Variants in QTGAL observed in about 807,000 individuals in gnomAD.
QTGAL encodes the protein BGnT-like protein 1.
chr17:82,983,072 G>A, the QTGAL span, among the ~76,000 whole-genome samples: 3 of 152,214 alleles, frequency 2.0e-5, no homozygotes, highest in Non-Finnish European at 4.4e-5. Context: ...CCTGAGGCCA[G>A]GAGTTCGAGA....
chr17:83,050,262 C>T, the QTGAL span, among the ~76,000 whole-genome samples: 7,596 of 152,060 alleles, frequency 0.05, 190 homozygotes, highest in Non-Finnish European at 0.064. Flanking sequence ...CCCAGCTACT[C>T]GGGAGGCTGA....
the QTGAL span, among the ~76,000 whole-genome samples, chr17:83,000,341 G>A: frequency 0.012 from 1,845 of 152,292 alleles, 43 homozygotes; most frequent in African/African-American, 0.042. Flanking sequence ...CTCACCCAGC[G>A]TTTTAAGCAC....
At chr17:83,018,091 C>A in the QTGAL span, among the ~76,000 whole-genome samples, 1 of 145,158 alleles carries the variant, frequency 6.9e-6, no homozygotes, top group Non-Finnish European at 1.5e-5. Flanking sequence ...GAACACCGTG[C>A]GCCTGTATCA....
At chr17:83,039,718 G>A in the QTGAL span, among the ~76,000 whole-genome samples, 4 of 152,200 alleles carry the variant, frequency 2.6e-5, no homozygotes, top group Non-Finnish European at 4.4e-5. Context: ...ACCACGACCT[G>A]TTCACAAATA....
At chr17:83,043,680 CA>C in the QTGAL span, among the ~76,000 whole-genome samples, 5 of 117,000 alleles carry the variant, frequency 4.3e-5, no homozygotes, top group African/African-American at 1.9e-4. Context: ...TGAAAATAAA[CA>C]AACAATGACA....
chr17:82,980,261 G>A, the QTGAL span, among the ~76,000 whole-genome samples: 3 of 152,080 alleles, frequency 2.0e-5, no homozygotes, highest in Admixed American at 6.5e-5. Context: ...AAAATTCTAC[G>A]TGGATGAAAA....
chr17:82,965,820 CAA>C, the QTGAL span: 15 of 1,413,570 alleles, frequency 1.1e-5, no homozygotes, highest in South Asian at 7.4e-5. Flanking sequence ...TTTATTTCCA[CAA>C]AGTGTCACGA....
the QTGAL span, among the ~76,000 whole-genome samples, chr17:82,979,971 G>T: frequency 6.6e-6 from 1 of 152,302 alleles, no homozygotes; most frequent in Middle Eastern, 3.4e-3. Context: ...GCAACCAGTG[G>T]AAGAAGGATT....
At chr17:83,045,079 A>G in the QTGAL span, among the ~76,000 whole-genome samples, 1 of 152,400 alleles carries the variant, frequency 6.6e-6, no homozygotes, top group Non-Finnish European at 1.5e-5. Flanking sequence ...ATAAACTATT[A>G]GAGCTAATAA....
chr17:83,025,662 G>A, the QTGAL span, among the ~76,000 whole-genome samples: 9 of 136,806 alleles, frequency 6.6e-5, no homozygotes, highest in Non-Finnish European at 1.2e-4. Flanking sequence ...TCCACACACG[G>A]ACACCGCGGA....
At chr17:82,987,029 C>A in the QTGAL span, among the ~76,000 whole-genome samples, 2 of 152,172 alleles carry the variant, frequency 1.3e-5, no homozygotes, top group Non-Finnish European at 2.9e-5. Flanking sequence ...GTCTCGAACA[C>A]CATAATCCAG....
At chr17:82,944,268 C>CTCTT in the QTGAL span, 64,541 of 151,656 alleles carry the variant, frequency 0.43, 14,622 homozygotes, top group East Asian at 0.6. Context: ...TGGCCACTGC[C>CTCTT]TCTTTCCCAC....
the QTGAL span, chr17:82,948,337 A>G: frequency 6.6e-6 from 1 of 152,290 alleles, no homozygotes; most frequent in African/African-American, 2.4e-5. Flanking sequence ...CATCCAGAGA[A>G]GCTGAGGATG....
chr17:83,042,077 A>G, the QTGAL span, among the ~76,000 whole-genome samples: 6 of 152,246 alleles, frequency 3.9e-5, no homozygotes, highest in African/African-American at 9.6e-5. Context: ...AAACAAATAC[A>G]GAAAACAAGC....
chr17:82,992,004 T>C, the QTGAL span, among the ~76,000 whole-genome samples: 6 of 151,926 alleles, frequency 3.9e-5, no homozygotes, highest in Non-Finnish European at 8.8e-5. Flanking sequence ...TGAAAATACA[T>C]AGTCAGAGAA....
chr17:83,045,821 T>C, the QTGAL span, among the ~76,000 whole-genome samples: 2 of 152,128 alleles, frequency 1.3e-5, no homozygotes, highest in African/African-American at 4.8e-5. Context: ...ATTTATTTAT[T>C]TATTATTTTT....
chr17:83,013,685 G>A, the QTGAL span, among the ~76,000 whole-genome samples: 14 of 151,958 alleles, frequency 9.2e-5, no homozygotes, highest in East Asian at 2.5e-3. Context: ...AACCGCACAC[G>A]TGCCCACGAC....
chr17:82,944,302 A>C, the QTGAL span: 1 of 152,124 alleles, frequency 6.6e-6, no homozygotes, highest in Admixed American at 6.5e-5. Flanking sequence ...TCACTGGGGC[A>C]CTTGTGCTCA....
the QTGAL span, among the ~76,000 whole-genome samples, chr17:82,998,926 C>T: frequency 2.0e-5 from 3 of 150,512 alleles, no homozygotes; most frequent in Non-Finnish European, 2.9e-5. Flanking sequence ...AAAATCACCA[C>T]GAGATACCAC....
Sources: gnomAD v4.1 joint callset for allele counts (sites outside exome capture counted in the v4.1 genomes callset) on GRCh38, gnomAD v4.1.1 for gene constraint, MANE v1.5 for transcripts, NCBI Gene and HGNC (gene_info 2026-07-23, HGNC 2026-07-21) for gene names.